RBMS3: variants seen among roughly 807,000 people sequenced by gnomAD.
RBMS3 encodes the protein RNA-binding motif, single-stranded-interacting protein 3.
Under a neutral mutation model 66.8 loss-of-function variants are expected in RBMS3, and 27 were observed. The ratio of observed to expected loss-of-function variants is 0.40; its 90% CI spans 0.30 to 0.56. RBMS3 has a LOEUF of 0.56. RBMS3 is among the 20% of genes least tolerant of loss of function. The pLI, the probability that RBMS3 is intolerant of heterozygous loss-of-function variation, is 0.40. For missense variants in RBMS3, 513 were observed against 549.5 expected (o/e 0.93, Z 0.66); for synonymous variants, 188 against 183.0 (o/e 1.03, Z -0.22).
At chr3:29,482,360 G>C (rs1003877280) in intron 2 of RBMS3, among the ~76,000 whole-genome samples, 1 of 152,044 alleles carries the variant, frequency 6.6e-6, no homozygotes, top group African/African-American at 2.4e-5. Flanking sequence ...TGCATTTTTG[G>C]TCTGCTATTT....
intron 5 of RBMS3, among the ~76,000 whole-genome samples, chr3:29,755,418 T>G (rs1450323331): frequency 6.6e-6 from 1 of 152,182 alleles, no homozygotes; most frequent in East Asian, 1.9e-4. Context: ...CTTTATGGTG[T>G]AGGCATCAAG....
chr3:29,449,673 A>T (rs1423946818), intron 2 of RBMS3, among the ~76,000 whole-genome samples: 2 of 152,240 alleles, frequency 1.3e-5, no homozygotes, highest in Non-Finnish European at 2.9e-5. Context: ...GATTGACTTT[A>T]AATTTACCAT....
chr3:29,514,859 T>C (rs1259775636), intron 3 of RBMS3, among the ~76,000 whole-genome samples: 1 of 151,486 alleles, frequency 6.6e-6, no homozygotes, highest in Non-Finnish European at 1.5e-5. Flanking sequence ...AAATAATACC[T>C]AACTGTCAGT....
At chr3:29,557,853 G>T (rs537677834) in intron 3 of RBMS3, among the ~76,000 whole-genome samples, 28 of 152,276 alleles carry the variant, frequency 1.8e-4, no homozygotes, top group Non-Finnish European at 3.5e-4. Context: ...ATGTCCTGAA[G>T]ACAAGAGGAA....
chr3:29,479,056 C>T (rs944243584), intron 2 of RBMS3, among the ~76,000 whole-genome samples: 2 of 151,866 alleles, frequency 1.3e-5, no homozygotes, highest in Non-Finnish European at 2.9e-5. Flanking sequence ...AGCATGAAAT[C>T]AAAGAAAGAG....
chr3:29,979,439 A>G (rs1021459160), intron 12 of RBMS3, among the ~76,000 whole-genome samples: 5 of 152,176 alleles, frequency 3.3e-5, no homozygotes, highest in African/African-American at 9.7e-5. Context: ...AAGTTTAGCT[A>G]AGATTCACCT....
chr3:29,363,400 C>T (rs1559518929), intron 1 of RBMS3, among the ~76,000 whole-genome samples: 2 of 152,212 alleles, frequency 1.3e-5, no homozygotes, highest in South Asian at 4.1e-4. Flanking sequence ...TAATCCAAGG[C>T]TTTATGAAAC....
chr3:30,001,908 G>A (rs1193499093), intron 14 of RBMS3, among the ~76,000 whole-genome samples: 2 of 151,854 alleles, frequency 1.3e-5, no homozygotes, highest in African/African-American at 2.4e-5. Context: ...GAATTTCAGT[G>A]CAATCCATAA....
At chr3:29,870,365 C>A (rs1490905340) in intron 7 of RBMS3, among the ~76,000 whole-genome samples, 2 of 152,212 alleles carry the variant, frequency 1.3e-5, no homozygotes, top group East Asian at 1.9e-4. Flanking sequence ...GGATAAAATG[C>A]CTGCTGATTA....
chr3:29,445,923 C>T (rs575895970), intron 2 of RBMS3, among the ~76,000 whole-genome samples: 2 of 152,156 alleles, frequency 1.3e-5, no homozygotes, highest in African/African-American at 2.4e-5. Flanking sequence ...TTTAAGCCAA[C>T]ATTATTGAGG....
chr3:29,890,831 T>A (rs2059984373), intron 8 of RBMS3, among the ~76,000 whole-genome samples: 1 of 151,532 alleles, frequency 6.6e-6, no homozygotes, highest in Non-Finnish European at 1.5e-5. Flanking sequence ...GGAAATAGGG[T>A]GAGACGGAAA....
At chr3:29,466,300 G>A (rs1412573996) in intron 2 of RBMS3, among the ~76,000 whole-genome samples, 5 of 151,928 alleles carry the variant, frequency 3.3e-5, no homozygotes, top group Admixed American at 6.6e-5. Flanking sequence ...TGGTGATTTC[G>A]CTATGAAAAG....
intron 1 of RBMS3, among the ~76,000 whole-genome samples, chr3:29,304,218 G>A (rs1182032702): frequency 6.6e-6 from 1 of 151,886 alleles, no homozygotes; most frequent in Admixed American, 6.6e-5. Context: ...GTCATTTTTG[G>A]GTTTCAGTCT....
At chr3:29,884,860 C>A (rs1056977664) in intron 8 of RBMS3, among the ~76,000 whole-genome samples, 3 of 151,888 alleles carry the variant, frequency 2.0e-5, no homozygotes, top group Non-Finnish European at 4.4e-5. Flanking sequence ...TTGTAATTGA[C>A]AATAATTATT....
intron 2 of RBMS3, among the ~76,000 whole-genome samples, chr3:29,473,733 C>T (rs2042842182): frequency 6.6e-6 from 1 of 152,264 alleles, no homozygotes; most frequent in Admixed American, 6.5e-5. Context: ...CCCTCCGCAG[C>T]TGCTGGCCCA....
chr3:29,827,942 A>C lies in RBMS3; in HGVS notation c.638-40916A>C, dbSNP rs557068272. 2.0e-5 allele frequency among the ~76,000 whole-genome samples: 3 copies of C among 152,286 alleles called. No homozygotes were observed. In the East Asian group the frequency reaches 5.8e-4, roughly 29 times the overall value. ...TGGTAACCTCATAGCATCCAGACAC[A>C]GTGAGTCATTTCTCTGGTTCCCCCT... is the stretch of plus-strand genomic sequence containing the variant. On this transcript the variant is annotated intron_variant, in intron 6 of 14. Coordinates refer to ENST00000383767, the MANE Select transcript of RBMS3 (RefSeq NM_001003793.3).
chr3:29,647,137 C>T (rs145589489), intron 4 of RBMS3, among the ~76,000 whole-genome samples: 2,555 of 152,190 alleles, frequency 0.017, 56 homozygotes, highest in African/African-American at 0.05. Context: ...ACCACCACAC[C>T]GGGCTAATTT....
At chr3:29,325,575 C>T (rs558093641) in intron 1 of RBMS3, among the ~76,000 whole-genome samples, 6 of 145,592 alleles carry the variant, frequency 4.1e-5, no homozygotes, top group Non-Finnish European at 7.5e-5. Flanking sequence ...TATATATATA[C>T]ATGTGTGTAT....
chr3:29,931,286 C>T (rs930937991), intron 10 of RBMS3, among the ~76,000 whole-genome samples: 7 of 151,954 alleles, frequency 4.6e-5, no homozygotes, highest in Non-Finnish European at 8.8e-5. Flanking sequence ...AAAGATGTAA[C>T]GTGGAAAGAA....
Sources: gnomAD v4.1 joint callset for allele counts (sites outside exome capture counted in the v4.1 genomes callset) on GRCh38, gnomAD v4.1.1 for gene constraint, MANE v1.5 for transcripts, NCBI Gene and HGNC (gene_info 2026-07-23, HGNC 2026-07-21) for gene names.